DLC1: variants seen among roughly 807,000 people sequenced by gnomAD.
DLC1 encodes the protein DLC1 Rho GTPase activating protein, also known as rho GTPase-activating protein 7.
In DLC1, 54 loss-of-function variants were observed where a neutral mutation model predicts 140.3. The observed-to-expected ratio is 0.38, with a 90% CI of 0.31 to 0.48. The LOEUF (loss-of-function observed/expected upper bound fraction) is 0.48, where lower values mean the gene tolerates loss of function less well. Ranked by LOEUF, DLC1 falls within the 20% of genes least tolerant of loss-of-function variation. DLC1 has a pLI of 0.96. For missense variants in DLC1, 2,536 were observed against 1,907.0 expected (o/e 1.33, Z -6.14); for synonymous variants, 986 against 728.1 (o/e 1.35, Z -5.70).
At chr8:13,087,124 T>G (rs1817629628) in intron 16 of DLC1, among the ~76,000 whole-genome samples, 1 of 152,010 alleles carries the variant, frequency 6.6e-6, no homozygotes, top group African/African-American at 2.4e-5. Context: ...TCATTAGGCA[T>G]GGTGGGTGGC....
At chr8:13,408,282 G>T (rs1837650528) in intron 2 of DLC1, among the ~76,000 whole-genome samples, 1 of 152,250 alleles carries the variant, frequency 6.6e-6, no homozygotes, top group South Asian at 2.1e-4. Context: ...AGATAATATT[G>T]TTATTTAAAG....
intron 5 of DLC1, among the ~76,000 whole-genome samples, chr8:13,145,750 G>A (rs1823386002): frequency 6.6e-6 from 1 of 152,080 alleles, no homozygotes; most frequent in South Asian, 2.1e-4. Flanking sequence ...AATGTTGAAT[G>A]AAATATAAAA....
intron 2 of DLC1, among the ~76,000 whole-genome samples, chr8:13,472,426 T>TA (rs1396625549): frequency 6.6e-6 from 1 of 152,254 alleles, no homozygotes; most frequent in Non-Finnish European, 1.5e-5. Context: ...TTCTATAACT[T>TA]ACTCCAAACT....
intron 2 of DLC1, among the ~76,000 whole-genome samples, chr8:13,407,836 C>G (rs971523528): frequency 1.3e-5 from 2 of 152,212 alleles, no homozygotes; most frequent in Non-Finnish European, 2.9e-5. Context: ...AGACTTGGCT[C>G]AGTTTCATCC....
At chr8:13,502,385 T>A (rs1181674415) in intron 1 of DLC1, among the ~76,000 whole-genome samples, 2 of 152,210 alleles carry the variant, frequency 1.3e-5, no homozygotes, top group Non-Finnish European at 2.9e-5. Flanking sequence ...ATTTCTCAAT[T>A]TTCATAACGA....
intron 2 of DLC1, among the ~76,000 whole-genome samples, chr8:13,488,194 A>G (rs1284808907): frequency 6.6e-6 from 1 of 152,230 alleles, no homozygotes; most frequent in African/African-American, 2.4e-5. Context: ...CATTCCGTAC[A>G]TGATTCTTAT....
At chr8:13,192,334 A>C (rs1279486494) in intron 5 of DLC1, among the ~76,000 whole-genome samples, 7 of 152,178 alleles carry the variant, frequency 4.6e-5, no homozygotes, top group African/African-American at 1.7e-4. Flanking sequence ...CCTTTTTAAA[A>C]ATGAGATGAC....
intron 7 of DLC1, among the ~76,000 whole-genome samples, chr8:13,110,249 T>A (rs1819967064): frequency 6.6e-6 from 1 of 152,222 alleles, no homozygotes; most frequent in Non-Finnish European, 1.5e-5. Flanking sequence ...ATCATTTAAC[T>A]GTCTGTTGCC....
intron 4 of DLC1, among the ~76,000 whole-genome samples, chr8:13,337,597 A>G (rs1033800167): frequency 2.0e-5 from 3 of 152,186 alleles, no homozygotes; most frequent in African/African-American, 4.8e-5. Context: ...TGTGAATATC[A>G]GAGAATTTAG....
intron 5 of DLC1, among the ~76,000 whole-genome samples, chr8:13,274,987 TAAA>T (rs1463171088): frequency 6.6e-6 from 1 of 152,202 alleles, no homozygotes; most frequent in African/African-American, 2.4e-5. Context: ...AAGAGTTAAA[TAAA>T]AAATCATATT....
intron 2 of DLC1, among the ~76,000 whole-genome samples, chr8:13,441,172 A>T (rs895132933): frequency 6.6e-6 from 1 of 152,218 alleles, no homozygotes; most frequent in Non-Finnish European, 1.5e-5. Flanking sequence ...TTCATGCTAA[A>T]AACTCTCAAT....
intron 2 of DLC1, among the ~76,000 whole-genome samples, chr8:13,458,730 C>T (rs1409387754): frequency 6.6e-6 from 1 of 152,042 alleles, no homozygotes; most frequent in Non-Finnish European, 1.5e-5. Context: ...TGATTTCTTT[C>T]CCTCAAAGCA....
At chr8:13,458,324 G>A (rs1443860631) in intron 2 of DLC1, among the ~76,000 whole-genome samples, 1 of 152,076 alleles carries the variant, frequency 6.6e-6, no homozygotes, top group Non-Finnish European at 1.5e-5. Flanking sequence ...CCATAAATAA[G>A]AGCACAAAAA....
chr8:13,567,387 G>A (rs1406761119), intron 1 of DLC1: 1 of 1,551,534 alleles, frequency 6.4e-7, no homozygotes, highest in East Asian at 2.4e-5. Flanking sequence ...AGATAAATTT[G>A]ATTCATCGTA....
At chr8:13,537,441 A>G (rs949558251) in intron 1 of DLC1, among the ~76,000 whole-genome samples, 2 of 152,140 alleles carry the variant, frequency 1.3e-5, no homozygotes, top group Admixed American at 6.5e-5. Context: ...GCAGCTGAGA[A>G]TCCCACATAA....
intron 2 of DLC1, among the ~76,000 whole-genome samples, chr8:13,470,622 A>G (rs1800160788): frequency 6.6e-6 from 1 of 152,222 alleles, no homozygotes; most frequent in Non-Finnish European, 1.5e-5. Flanking sequence ...GAAAGCGTGG[A>G]GAAAAGGAAA....
chr8:13,132,493 G>C (rs1191060869), intron 5 of DLC1, among the ~76,000 whole-genome samples: 2 of 152,142 alleles, frequency 1.3e-5, no homozygotes, highest in African/African-American at 2.4e-5. Context: ...AACTCTCCCG[G>C]AGTTCACTTT....
chr8:13,603,645 A>T (rs933976289), intron 1 of DLC1, among the ~76,000 whole-genome samples: 1 of 152,014 alleles, frequency 6.6e-6, no homozygotes, highest in Non-Finnish European at 1.5e-5. Context: ...AACGTTCAAG[A>T]CCCTTGCCCT....
chr8:13,313,164 C>A (rs892563682), intron 4 of DLC1, among the ~76,000 whole-genome samples: 1 of 152,104 alleles, frequency 6.6e-6, no homozygotes, highest in African/African-American at 2.4e-5. Flanking sequence ...TTTAGTGATT[C>A]TCTTTCTTCT....
Sources: gnomAD v4.1 joint callset for allele counts (sites outside exome capture counted in the v4.1 genomes callset) on GRCh38, gnomAD v4.1.1 for gene constraint, MANE v1.5 for transcripts, NCBI Gene and HGNC (gene_info 2026-07-23, HGNC 2026-07-21) for gene names.